ROBO2: variants seen among roughly 807,000 people sequenced by gnomAD.
ROBO2 encodes roundabout guidance receptor 2.
ROBO2 carries 53 observed loss-of-function variants against 160.8 expected under a neutral mutation model. That is an observed-to-expected ratio of 0.33 (90% CI 0.26 to 0.41). The LOEUF is 0.41. ROBO2 is among the 10% of genes least tolerant of loss of function. The pLI, the probability that ROBO2 is intolerant of heterozygous loss-of-function variation, is 1.00. For missense variants in ROBO2, 1,577 were observed against 1,722.4 expected (o/e 0.92, Z 1.49); for synonymous variants, 664 against 611.7 (o/e 1.09, Z -1.26).
At chr3:76,834,603 C>A (rs530960809) in intron 2 of ROBO2, among the ~76,000 whole-genome samples, 3 of 152,140 alleles carry the variant, frequency 2.0e-5, no homozygotes, top group Admixed American at 1.3e-4. Context: ...AGCTACTGAC[C>A]TCAAGTGATC....
chr3:76,192,685 C>A (rs1276839760), intron 2 of ROBO2, among the ~76,000 whole-genome samples: 2 of 152,084 alleles, frequency 1.3e-5, no homozygotes, highest in African/African-American at 4.8e-5. Flanking sequence ...TTTCTTCCCA[C>A]ATGATAAATT....
chr3:76,547,345 TA>T (rs963799524), intron 2 of ROBO2, among the ~76,000 whole-genome samples: 1 of 152,018 alleles, frequency 6.6e-6, no homozygotes, highest in Non-Finnish European at 1.5e-5. Context: ...GGCCCCCTGA[TA>T]AAAACATGTG....
intron 2 of ROBO2, among the ~76,000 whole-genome samples, chr3:76,877,971 T>C (rs2072931826): frequency 6.6e-6 from 1 of 152,176 alleles, no homozygotes. Flanking sequence ...CCTCTTCTTA[T>C]AGGGCCACCA....
At chr3:77,607,990 G>GCTCTC (rs774930588) in intron 21 of ROBO2, 36 bp downstream of exon 22, 1 of 1,607,454 alleles carries the variant, frequency 6.2e-7, no homozygotes, top group South Asian at 1.1e-5. Context: ...AATGGCCAGG[G>GCTCTC]CTCTCCTCTC....
chr3:76,499,631 C>T (rs2080351885), intron 2 of ROBO2, among the ~76,000 whole-genome samples: 1 of 152,154 alleles, frequency 6.6e-6, no homozygotes, highest in Admixed American at 6.5e-5. Context: ...GTTCATTCTT[C>T]CTGCAGCCAT....
chr3:77,337,216 A>T lies in ROBO2; in HGVS notation c.389-140198A>T, dbSNP rs535986270. On this transcript the variant is annotated intron_variant, in intron 2 of 25. Transcript: ENST00000461745. Reference sequence around the variant, plus strand: ...CACAGAGATACATTTGGAAGCCTTCAAATATCTTTTTGTTCTTTTAAAATT... The same window carrying T: ...CACAGAGATACATTTGGAAGCCTTCTAATATCTTTTTGTTCTTTTAAAATT... 3.3e-5 allele frequency among the ~76,000 whole-genome samples: 5 copies of T among 152,318 alleles called. 1 individual carries two copies. The highest frequency in any genetic ancestry group is 1.2e-4 in the African/African-American group (5 of 41,578).
chr3:76,672,110 T>C (rs926204985), intron 2 of ROBO2, among the ~76,000 whole-genome samples: 11 of 152,092 alleles, frequency 7.2e-5, no homozygotes, highest in African/African-American at 2.4e-4. Flanking sequence ...CGAATACGTA[T>C]CCACAGGTAG....
rs536961499 is a variant in ROBO2, at chr3:77,475,424, T to C, written c.389-1990T>C. Among the ~76,000 whole-genome samples, 9 of 152,290 alleles carry C rather than the reference T, an allele frequency of 5.9e-5. No individual in the cohort carries two copies. The East Asian group carries it at 1.5e-3, about 26-fold the overall frequency. On this transcript the variant is annotated intron_variant, in intron 2 of 25. Coordinates refer to ENST00000461745, the Ensembl canonical transcript of ROBO2. ...TTTTGTCCTACATGTCAAAGGACCT[T>C]TAAAAAAAAATGGATTGTGGAAAAT...
chr3:77,566,245 G>A (rs951153893), intron 12 of ROBO2, among the ~76,000 whole-genome samples: 1 of 152,004 alleles, frequency 6.6e-6, no homozygotes, highest in East Asian at 1.9e-4. Flanking sequence ...TGACAGTCAA[G>A]GGAGGAGGAA....
intron 2 of ROBO2, among the ~76,000 whole-genome samples, chr3:76,449,041 T>C (rs952499964): frequency 2.0e-5 from 3 of 152,184 alleles, no homozygotes; most frequent in Non-Finnish European, 2.9e-5. Flanking sequence ...TTAAAGTCCA[T>C]TTTTGAATGA....
At chr3:77,307,201 G>C (rs1337211613) in intron 2 of ROBO2, among the ~76,000 whole-genome samples, 1 of 152,172 alleles carries the variant, frequency 6.6e-6, no homozygotes, top group Non-Finnish European at 1.5e-5. Context: ...TTGATGGCTG[G>C]TATGAAAAAG....
Position 76,724,002 on chromosome 3 carries a change from T to C in ROBO2, c.110-374012T>C, listed in dbSNP as rs184537017. Reference sequence around the variant, plus strand: ...GTCTAGATTCTCTTGCTTATTGTACTCAGCAATCACATTCAGCATCTACAC... The same window carrying C: ...GTCTAGATTCTCTTGCTTATTGTACCCAGCAATCACATTCAGCATCTACAC... On this transcript the variant is annotated intron_variant, in intron 2 of 26. Transcript: ENST00000487694. Among the ~76,000 whole-genome samples, 8 of 152,136 alleles carry C rather than the reference T, an allele frequency of 5.3e-5. No individual in the cohort carries two copies. The South Asian group carries it at 1.2e-3, about 24-fold the overall frequency.
At chr3:76,260,437 AG>A (rs1489249349) in intron 2 of ROBO2, among the ~76,000 whole-genome samples, 2 of 152,156 alleles carry the variant, frequency 1.3e-5, no homozygotes, top group African/African-American at 4.8e-5. Context: ...GTCAAATTTG[AG>A]GAAGACTAAA....
At chr3:76,986,053 T>C (rs1170925055) in intron 2 of ROBO2, among the ~76,000 whole-genome samples, 1 of 152,230 alleles carries the variant, frequency 6.6e-6, no homozygotes, top group Admixed American at 6.5e-5. Context: ...CTGATAAGCA[T>C]TTAAAGCAGA....
At chr3:76,797,041 C>T (rs1223102496) in intron 2 of ROBO2, among the ~76,000 whole-genome samples, 1 of 152,018 alleles carries the variant, frequency 6.6e-6, no homozygotes, top group Non-Finnish European at 1.5e-5. Flanking sequence ...ACAGATCATC[C>T]AGCTACAAAT....
chr3:76,363,100 A>G (rs1243421908), intron 2 of ROBO2, among the ~76,000 whole-genome samples: 1 of 152,070 alleles, frequency 6.6e-6, no homozygotes, highest in Non-Finnish European at 1.5e-5. Flanking sequence ...ATTTTGATCA[A>G]ATGATCTAAG....
At chr3:76,919,519 C>G (rs1350214411) in intron 2 of ROBO2, among the ~76,000 whole-genome samples, 3 of 151,866 alleles carry the variant, frequency 2.0e-5, no homozygotes, top group Admixed American at 6.6e-5. Context: ...TTCTTGTTTC[C>G]TCTGACATTT....
chr3:76,512,233 C>A (rs907221734), intron 2 of ROBO2, among the ~76,000 whole-genome samples: 1 of 150,242 alleles, frequency 6.7e-6, no homozygotes, highest in Non-Finnish European at 1.5e-5. Context: ...TTTGATGTTT[C>A]CTTAAATATA....
At chr3:77,098,052 G>C (rs777291992) in exon 2 of ROBO2, 1 of 1,592,348 alleles carries the variant, frequency 6.3e-7, no homozygotes, top group South Asian at 1.1e-5. Context: ...CCCGCGGATT[G>C]TGGAGCATCC....
Sources: gnomAD v4.1 joint callset for allele counts (sites outside exome capture counted in the v4.1 genomes callset) on GRCh38, gnomAD v4.1.1 for gene constraint, MANE v1.5 for transcripts, NCBI Gene and HGNC (gene_info 2026-07-23, HGNC 2026-07-21) for gene names.